The following GRM1 variants were observed in gnomAD, a reference collection of about 807,000 sequenced individuals.
GRM1 encodes metabotropic glutamate receptor 1.
In GRM1, 33 loss-of-function variants were observed where a neutral mutation model predicts 90.9. The ratio of observed to expected loss-of-function variants is 0.36; its 90% CI spans 0.28 to 0.49. The LOEUF is 0.49. GRM1 is among the 20% of genes least tolerant of loss of function. The probability of loss-of-function intolerance (pLI) is 0.99; values close to 1 mark genes in which losing one functional copy is unlikely to be tolerated. For missense variants in GRM1, 1,190 were observed against 1,534.3 expected (o/e 0.78, Z 3.75); for synonymous variants, 700 against 613.2 (o/e 1.14, Z -2.09).
intron 1 of GRM1, among the ~76,000 whole-genome samples, chr6:146,118,055 AGATGCAT>A (rs1347143657): frequency 1.3e-5 from 2 of 151,942 alleles, no homozygotes; most frequent in Non-Finnish European, 2.9e-5. Flanking sequence ...TTTTCAAAAA[AGATGCAT>A]GAGTAGCAAA....
chr6:146,382,890 A>G (rs1431872189), intron 5 of GRM1, among the ~76,000 whole-genome samples: 2 of 152,114 alleles, frequency 1.3e-5, no homozygotes, highest in African/African-American at 4.8e-5. Flanking sequence ...GGAGCTACAG[A>G]CTATTTGGAT....
At chr6:146,178,145 T>C (rs538162971) in intron 2 of GRM1, among the ~76,000 whole-genome samples, 1 of 152,330 alleles carries the variant, frequency 6.6e-6, no homozygotes, top group Non-Finnish European at 1.5e-5. Context: ...TTCTCTTTAG[T>C]TGTCATGTCT....
intron 7 of GRM1, among the ~76,000 whole-genome samples, chr6:146,416,546 C>T (rs1777791690): frequency 6.6e-6 from 1 of 152,122 alleles, no homozygotes; most frequent in Non-Finnish European, 1.5e-5. Flanking sequence ...ACATGCATTT[C>T]ATTTCTATAC....
Position 146,101,764 on chromosome 6 carries a change from A to G in GRM1, c.701-57584A>G, listed in dbSNP as rs986038599. Among the ~76,000 whole-genome samples, 3 of 150,962 alleles carry G rather than the reference A, an allele frequency of 2.0e-5. No homozygotes were observed. In the South Asian group the frequency reaches 6.3e-4, roughly 32 times the overall value. ...ACTGGTAAATATCACTGGTATTATTATGACTATACTTATAGCTATAATTAT... is the reference window on the plus strand; with the variant it reads ...ACTGGTAAATATCACTGGTATTATTGTGACTATACTTATAGCTATAATTAT... On this transcript the variant is annotated intron_variant, in intron 1 of 7. Coordinates refer to ENST00000282753, the MANE Select transcript of GRM1 (RefSeq NM_001278064.2).
chr6:146,238,775 T>C (rs1357674036), intron 2 of GRM1, among the ~76,000 whole-genome samples: 2 of 152,128 alleles, frequency 1.3e-5, no homozygotes, highest in African/African-American at 4.8e-5. Flanking sequence ...TGGACAGATT[T>C]ATGATTTTAA....
intron 2 of GRM1, among the ~76,000 whole-genome samples, chr6:146,301,625 TA>T (rs1321483757): frequency 6.6e-6 from 1 of 152,218 alleles, no homozygotes; most frequent in Non-Finnish European, 1.5e-5. Context: ...CAAAAGCAGT[TA>T]TTTTTTTCAA....
intron 1 of GRM1, among the ~76,000 whole-genome samples, chr6:146,036,755 C>A (rs1790905615): frequency 6.6e-6 from 1 of 151,640 alleles, no homozygotes; most frequent in African/African-American, 2.4e-5. Flanking sequence ...CAGGTAAAAG[C>A]CTTAATTTGT....
At chr6:146,274,284 AT>A (rs1200570583) in intron 2 of GRM1, among the ~76,000 whole-genome samples, 2 of 152,202 alleles carry the variant, frequency 1.3e-5, no homozygotes, top group African/African-American at 2.4e-5. Flanking sequence ...AATTAACATA[AT>A]TTTTAAAAAC....
chr6:146,100,104 A>G (rs1018524358), intron 1 of GRM1, among the ~76,000 whole-genome samples: 2 of 151,974 alleles, frequency 1.3e-5, no homozygotes, highest in African/African-American at 2.4e-5. Flanking sequence ...ATTTCCATTT[A>G]CTCTATTACC....
intron 2 of GRM1, among the ~76,000 whole-genome samples, chr6:146,206,597 T>C (rs1779502122): frequency 6.6e-6 from 1 of 150,774 alleles, no homozygotes; most frequent in Non-Finnish European, 1.5e-5. Flanking sequence ...GACTTGGATG[T>C]TTGTTAGTTT....
chr6:146,075,159 A>G (rs999937311), intron 1 of GRM1, among the ~76,000 whole-genome samples: 4 of 152,214 alleles, frequency 2.6e-5, no homozygotes, highest in Non-Finnish European at 5.9e-5. Flanking sequence ...GCAAATAACA[A>G]GGAGATATTT....
In GRM1 at chr6:146,399,149, T is replaced by C; in HGVS notation, c.2110T>C (p.Trp704Arg). Residue 704 changes from tryptophan (W) to arginine (R), a missense_variant, in exon 7 of 8, where the codon TGG becomes CGG. Around this residue, in one of 10 missense-constraint regions of GRM1, gnomAD observed 414 missense variants for 598.4 expected, o/e 0.69. Transcript: ENST00000282753. The surrounding 1 kb of genome is among the most constrained non-coding windows in gnomAD (Gnocchi z 5.4). ...CTRKPRFMSA[W>R]AQVIIASILI... is the part of the protein sequence containing the mutation. ...CCGGAAGCCCAGGTTCATGAGTGCC[T>C]GGGCTCAGGTGATCATTGCCTCAAT... 6.2e-7 allele frequency: 1 copy of C among 1,614,152 alleles called. No individual in the cohort carries two copies. Among genetic ancestry groups the C allele is most frequent in the Non-Finnish European group, 8.5e-7 (1 of 1,180,030 alleles).
intron 3 of GRM1, among the ~76,000 whole-genome samples, chr6:146,321,875 G>T (rs539906348): frequency 6.6e-6 from 1 of 152,038 alleles, no homozygotes; most frequent in African/African-American, 2.4e-5. Flanking sequence ...CGTGAGATGG[G>T]TCTGCTGAAT....
intron 1 of GRM1, among the ~76,000 whole-genome samples, chr6:146,068,708 A>G (rs987620412): frequency 2.5e-4 from 38 of 152,234 alleles, no homozygotes; most frequent in Non-Finnish European, 3.7e-4. Flanking sequence ...AGCCTCATTT[A>G]TTTCATGAAT....
At chr6:146,280,517 G>A (rs570329392) in intron 2 of GRM1, among the ~76,000 whole-genome samples, 6 of 152,110 alleles carry the variant, frequency 3.9e-5, no homozygotes, top group Admixed American at 1.3e-4. Flanking sequence ...TACACAGAAC[G>A]CTATGGGCCC....
intron 1 of GRM1, 134 bp from the exon 2 acceptor site, chr6:146,159,214 A>G: frequency 1.0e-6 from 1 of 980,914 alleles, no homozygotes; most frequent in Non-Finnish European, 1.6e-6. Flanking sequence ...ATCTTCCGTC[A>G]GTCTCAGCCA....
In GRM1 at chr6:146,295,203, T is replaced by C. The variant is rs1189872338; in HGVS notation, c.951-9408T>C. Among the ~76,000 whole-genome samples the C allele has an allele frequency of 2.6e-5, 4 of 152,058 alleles. No individual in the cohort carries two copies. In the East Asian group the frequency reaches 5.8e-4, roughly 22 times the overall value. On this transcript the variant is annotated intron_variant, in intron 2 of 7. Transcript: ENST00000282753. ...TTTGTTTTGGCCATTTTTCTGAGAA[T>C]AGTATCATCTATCCATTTATTTATT...
intron 1 of GRM1, among the ~76,000 whole-genome samples, chr6:146,156,412 GA>G (rs1164124177): frequency 6.6e-6 from 1 of 151,970 alleles, no homozygotes; most frequent in Non-Finnish European, 1.5e-5. Flanking sequence ...CGGCTCAAAA[GA>G]AAAAAAGAAA....
intron 3 of GRM1, among the ~76,000 whole-genome samples, chr6:146,342,327 G>A (rs1231419206): frequency 6.6e-6 from 1 of 152,116 alleles, no homozygotes; most frequent in Non-Finnish European, 1.5e-5. Context: ...AAATGTGGAA[G>A]GTCTCTTTAT....
Sources: gnomAD v4.1 joint callset for allele counts (sites outside exome capture counted in the v4.1 genomes callset) on GRCh38, gnomAD v4.1.1 for gene constraint, gnomAD v4.1.1 regional missense constraint, Gnocchi (gnomAD v3.1) non-coding constraint, MANE v1.5 for transcripts, NCBI Gene and HGNC (gene_info 2026-07-23, HGNC 2026-07-21) for gene names.